The following USH2A variants were observed in gnomAD, a reference collection of about 807,000 sequenced individuals.
USH2A encodes the protein usherin.
USH2A carries 443 observed loss-of-function variants against 538.9 expected under a neutral mutation model. The observed-to-expected ratio is 0.82, with a 90% CI of 0.76 to 0.89. USH2A has a LOEUF of 0.89. Among genes scored for constraint, USH2A ranks in the 40% least tolerant of loss-of-function variants. The pLI is 0.00. For synonymous variants in USH2A, 2,413 were observed against 2,273.5 expected, an observed-to-expected ratio of 1.06 and a Z score of -1.75; for missense variants, 6,633 against 6,324.8, an observed-to-expected ratio of 1.05 and a Z score of -1.65.
intron 47 of USH2A, among the ~76,000 whole-genome samples, chr1:215,823,080 T>C (rs1663056751): frequency 6.6e-6 from 1 of 152,070 alleles, no homozygotes; most frequent in African/African-American, 2.4e-5. Context: ...GATTGCATGC[T>C]GCAATTACAG....
chr1:215,779,860 C>T lies in USH2A; in HGVS notation c.10922G>A (p.Arg3641Lys), dbSNP rs397517969. ...TTTCTCACCTGTGACCGTATGCTGT[C>T]TCCTGTCAGTGGTGTCAGTGTGGAT... ...GLIHTDTTDR[R>K]QHTVTGLQPY... The change falls in exon 55 of 72, where the codon AGA (arginine) becomes AAA (lysine). Residue 3641 changes from arginine to lysine, a missense_variant. Transcript: ENST00000307340. 62 of 1,613,940 alleles carry T rather than the reference C, an allele frequency of 3.8e-5. No individual in the cohort carries two copies. Among genetic ancestry groups the T allele is most frequent in the Non-Finnish European group, 4.7e-5 (56 of 1,180,040 alleles).
intron 21 of USH2A, among the ~76,000 whole-genome samples, chr1:216,124,022 T>A: frequency 6.6e-6 from 1 of 152,156 alleles, no homozygotes; most frequent in East Asian, 1.9e-4. Context: ...AGACTAGATT[T>A]CCTTATCCAC....
At chr1:215,842,744 A>T (rs1245024357) in intron 46 of USH2A, among the ~76,000 whole-genome samples, 1 of 151,964 alleles carries the variant, frequency 6.6e-6, no homozygotes, top group Non-Finnish European at 1.5e-5. Context: ...CTCACTTATA[A>T]GTAGGAGCTG....
intron 64 of USH2A, 67 bp from the exon 65 acceptor site, chr1:215,650,868 AAG>A (rs1408422117): frequency 1.9e-6 from 3 of 1,560,300 alleles, no homozygotes; most frequent in East Asian, 2.3e-5. Context: ...AAAAAAAAAA[AAG>A]AAAGGAAAAA....
chr1:216,200,928 G>C (rs539189768), intron 16 of USH2A, among the ~76,000 whole-genome samples: 2 of 150,230 alleles, frequency 1.3e-5, no homozygotes, highest in African/African-American at 4.9e-5. Flanking sequence ...CAATATGAAG[G>C]TCCCAGCATA....
chr1:216,110,345 G>C (rs503092), intron 21 of USH2A, among the ~76,000 whole-genome samples: 136,722 of 152,186 alleles, frequency 0.9, 61,698 homozygotes, highest in African/African-American at 0.97. Context: ...TAAAACAAAA[G>C]AAAACAAAAA....
chr1:216,287,764 C>T (rs996284577), intron 11 of USH2A, among the ~76,000 whole-genome samples: 84 of 152,186 alleles, frequency 5.5e-4, no homozygotes, highest in African/African-American at 1.7e-3. Flanking sequence ...TACAGTCTTC[C>T]TATACTATAT....
At chr1:216,201,290 G>A (rs944816471) in intron 16 of USH2A, among the ~76,000 whole-genome samples, 2 of 150,454 alleles carry the variant, frequency 1.3e-5, no homozygotes, top group African/African-American at 4.9e-5. Flanking sequence ...TGTAAACCTA[G>A]GCATTCCCAG....
chr1:215,666,213 C>A (rs748582231), intron 64 of USH2A, among the ~76,000 whole-genome samples: 9 of 152,058 alleles, frequency 5.9e-5, no homozygotes, highest in Non-Finnish European at 1.0e-4. Context: ...CTCTTACCAC[C>A]AAAGACCGGA....
intron 47 of USH2A, among the ~76,000 whole-genome samples, chr1:215,824,591 G>A (rs2102803438): frequency 6.6e-6 from 1 of 152,198 alleles, no homozygotes; most frequent in African/African-American, 2.4e-5. Context: ...ACTCTGATTT[G>A]GCATCTCCTT....
At chr1:216,413,549 A>T (rs2039527989) in intron 3 of USH2A, among the ~76,000 whole-genome samples, 1 of 152,068 alleles carries the variant, frequency 6.6e-6, no homozygotes, top group Admixed American at 6.6e-5. Context: ...GAATACATAA[A>T]TCAAAAGAGC....
At chr1:215,955,357 C>T (rs955586776) in intron 37 of USH2A, among the ~76,000 whole-genome samples, 1 of 152,096 alleles carries the variant, frequency 6.6e-6, no homozygotes, top group African/African-American at 2.4e-5. Context: ...AAATGTCTAA[C>T]AAATTTAGCA....
At chr1:215,847,914 T>C (rs1663908579) in intron 44 of USH2A, among the ~76,000 whole-genome samples, 1 of 152,190 alleles carries the variant, frequency 6.6e-6, no homozygotes, top group Non-Finnish European at 1.5e-5. Flanking sequence ...ACTTTAGCTC[T>C]AGAAATAGTT....
At chr1:215,855,176 G>C (rs1028323951) in intron 44 of USH2A, among the ~76,000 whole-genome samples, 1 of 152,102 alleles carries the variant, frequency 6.6e-6, no homozygotes, top group Non-Finnish European at 1.5e-5. Context: ...TAGCTAAAGA[G>C]GAAGTCCAAC....
At chr1:215,958,081 T>G (rs1667113145) in intron 37 of USH2A, among the ~76,000 whole-genome samples, 1 of 152,142 alleles carries the variant, frequency 6.6e-6, no homozygotes, top group South Asian at 2.1e-4. Flanking sequence ...GTCTAAGAGG[T>G]TCCCACATAT....
intron 21 of USH2A, among the ~76,000 whole-genome samples, chr1:216,129,402 A>C (rs188761919): frequency 6.6e-6 from 1 of 152,184 alleles, no homozygotes; most frequent in East Asian, 1.9e-4. Context: ...AATCAGTAGC[A>C]TTTCTGTATG....
intron 61 of USH2A, among the ~76,000 whole-genome samples, chr1:215,697,576 C>T (rs1658860852): frequency 6.6e-6 from 1 of 152,098 alleles, no homozygotes; most frequent in African/African-American, 2.4e-5. Flanking sequence ...GGCTGGAGTG[C>T]AATGGCACGA....
intron 37 of USH2A, among the ~76,000 whole-genome samples, chr1:215,952,182 A>G (rs979498755): frequency 6.6e-6 from 1 of 152,192 alleles, no homozygotes; most frequent in Non-Finnish European, 1.5e-5. Context: ...AGTCTGTTTT[A>G]TCAGAGACTA....
intron 38 of USH2A, among the ~76,000 whole-genome samples, chr1:215,905,611 G>A (rs1370998038): frequency 6.6e-6 from 1 of 152,054 alleles, no homozygotes; most frequent in East Asian, 1.9e-4. Context: ...TCACTTCCAG[G>A]GGTGCACTGG....
Sources: allele counts gnomAD v4.1 joint callset (sites outside exome capture counted in the v4.1 genomes callset), GRCh38; gene constraint gnomAD v4.1.1; transcripts MANE v1.5; gene names NCBI Gene and HGNC (gene_info 2026-07-23, HGNC 2026-07-21).